Variants in ARHGEF4 observed in about 807,000 individuals in gnomAD.
ARHGEF4 encodes APC-stimulated guanine nucleotide exchange factor 1.
A neutral mutation model predicts 162.0 loss-of-function variants in ARHGEF4; 119 were observed. The ratio of observed to expected loss-of-function variants is 0.73; its 90% CI spans 0.63 to 0.86. ARHGEF4 has a LOEUF of 0.86. Ranked by LOEUF, ARHGEF4 falls within the 40% of genes least tolerant of loss-of-function variation. ARHGEF4 has a pLI of 0.00. For synonymous variants in ARHGEF4, 1,014 were observed against 979.9 expected (o/e 1.03, Z -0.65); for missense variants, 2,488 against 2,456.0 (o/e 1.01, Z -0.28).
intron 4 of ARHGEF4, among the ~76,000 whole-genome samples, chr2:131,024,102 C>G (rs1689316882): frequency 6.6e-6 from 1 of 152,186 alleles, no homozygotes; most frequent in African/African-American, 2.4e-5. Context: ...TATACACACA[C>G]ATTGTACTAA....
intron 7 of ARHGEF4, 33 bp from the exon 8 acceptor site, chr2:131,040,228 G>C: frequency 6.2e-7 from 1 of 1,609,428 alleles, no homozygotes; most frequent in Non-Finnish European, 8.5e-7. Context: ...CTGGGGACCC[G>C]GTCGGGGGAG....
intron 4 of ARHGEF4, among the ~76,000 whole-genome samples, chr2:130,966,748 C>T (rs759210896): frequency 5.9e-5 from 9 of 152,210 alleles, no homozygotes; most frequent in Non-Finnish European, 1.2e-4. Flanking sequence ...ACAATCATGG[C>T]TTTTTCCTGG....
intron 4 of ARHGEF4, among the ~76,000 whole-genome samples, chr2:131,023,516 C>T (rs898825262): frequency 1.3e-5 from 2 of 152,134 alleles, no homozygotes; most frequent in African/African-American, 4.8e-5. Context: ...TGTTCAACAT[C>T]GTCAGCCTTT....
At chr2:130,854,915 C>T (rs1293709180) in intron 1 of ARHGEF4, among the ~76,000 whole-genome samples, 3 of 150,982 alleles carry the variant, frequency 2.0e-5, no homozygotes, top group Non-Finnish European at 2.9e-5. Flanking sequence ...ACTCTGTCGC[C>T]GAGGCTGGAG....
intron 2 of ARHGEF4, among the ~76,000 whole-genome samples, chr2:130,926,014 C>CTCTT (rs1553514612): frequency 7.4e-4 from 72 of 97,256 alleles, no homozygotes; most frequent in African/African-American, 3.3e-3. Flanking sequence ...TTGGTTTTCT[C>CTCTT]TCTTTCTTTC....
intron 1 of ARHGEF4, among the ~76,000 whole-genome samples, chr2:130,905,852 A>G (rs1680781400): frequency 1.3e-5 from 2 of 152,258 alleles, no homozygotes; most frequent in African/African-American, 4.8e-5. Flanking sequence ...CATAGTGTAT[A>G]TAGGGTTCAA....
intron 4 of ARHGEF4, chr2:131,011,745 C>A: frequency 2.6e-6 from 3 of 1,136,254 alleles, no homozygotes; most frequent in South Asian, 1.3e-5. Context: ...GGAGTTTTGA[C>A]TGTCACTCTG....
chr2:130,843,737 T>G (rs1680758704), intron 1 of ARHGEF4, among the ~76,000 whole-genome samples: 1 of 152,202 alleles, frequency 6.6e-6, no homozygotes, highest in Non-Finnish European at 1.5e-5. Flanking sequence ...CTCCAAAGGT[T>G]GTTCTCTCCC....
chr2:130,850,549 CT>C (rs768370467), intron 1 of ARHGEF4, among the ~76,000 whole-genome samples: 4 of 152,346 alleles, frequency 2.6e-5, no homozygotes, highest in Admixed American at 6.5e-5. Flanking sequence ...CACCTCCCCC[CT>C]GCAAGGACAC....
intron 4 of ARHGEF4, among the ~76,000 whole-genome samples, chr2:130,966,290 T>G (rs757589580): frequency 7.2e-5 from 11 of 152,342 alleles, no homozygotes; most frequent in Non-Finnish European, 1.3e-4. Flanking sequence ...CCGTCTGTCC[T>G]TCTCAACTGG....
At chr2:130,853,126 G>C (rs1236362306) in intron 1 of ARHGEF4, among the ~76,000 whole-genome samples, 1 of 152,214 alleles carries the variant, frequency 6.6e-6, no homozygotes, top group Non-Finnish European at 1.5e-5. Flanking sequence ...CCTTCATATG[G>C]CACCATGAGG....
Position 130,917,487 on chromosome 2 carries a change from C to CAGGCA in ARHGEF4, c.3541_3542insAGGCA (p.Pro1181GlnfsTer43), listed in dbSNP as rs1559039176. On this transcript the variant is annotated frameshift_variant, in exon 2 of 14. Coordinates refer to ENST00000409359, the MANE Select transcript of ARHGEF4 (RefSeq NM_001367493.1). LOFTEE classifies it high-confidence loss of function. ...CACAGTGCCCTGGCTCAGGGACCTT[C>CAGGCA]CTGGGAGTGAGGTGAGTATCTGAAT... 2.1e-5 allele frequency: 32 copies of CAGGCA among 1,549,184 alleles called. No individual in the cohort carries two copies. Among genetic ancestry groups the CAGGCA allele is most frequent in the Non-Finnish European group, 2.6e-5 (30 of 1,146,522 alleles).
At chr2:130,912,827 C>A (rs781520377) in intron 1 of ARHGEF4, among the ~76,000 whole-genome samples, 7 of 152,140 alleles carry the variant, frequency 4.6e-5, no homozygotes, top group Non-Finnish European at 1.0e-4. Flanking sequence ...ATAGTCCCCC[C>A]TTATGCAAAG....
chr2:130,855,416 A>G (rs1681710920), intron 1 of ARHGEF4, among the ~76,000 whole-genome samples: 1 of 152,200 alleles, frequency 6.6e-6, no homozygotes, highest in Non-Finnish European at 1.5e-5. Flanking sequence ...TACAGATTTA[A>G]GTCAGCAGAG....
intron 4 of ARHGEF4, among the ~76,000 whole-genome samples, chr2:131,002,596 G>A (rs1391550967): frequency 1.3e-5 from 2 of 151,366 alleles, no homozygotes; most frequent in African/African-American, 2.4e-5. Context: ...TGTAGTCCTA[G>A]CTACTTCAGA....
At chr2:131,000,352 G>A (rs1160982556) in intron 4 of ARHGEF4, among the ~76,000 whole-genome samples, 1 of 151,980 alleles carries the variant, frequency 6.6e-6, no homozygotes, top group Non-Finnish European at 1.5e-5. Flanking sequence ...TATTTTGTTC[G>A]GGATTTTGTA....
At chr2:131,037,791 G>A (rs1204645964) in intron 5 of ARHGEF4, among the ~76,000 whole-genome samples, 1 of 152,198 alleles carries the variant, frequency 6.6e-6, no homozygotes, top group African/African-American at 2.4e-5. Flanking sequence ...CACTCTGCTG[G>A]TTATTTGAGC....
intron 1 of ARHGEF4, among the ~76,000 whole-genome samples, chr2:130,876,677 C>A (rs1678871274): frequency 6.6e-6 from 1 of 152,208 alleles, no homozygotes; most frequent in Non-Finnish European, 1.5e-5. Flanking sequence ...CAGGCTTGAG[C>A]CACCGCGCCC....
At chr2:131,004,136 A>C (rs1468242075) in intron 4 of ARHGEF4, among the ~76,000 whole-genome samples, 1 of 152,070 alleles carries the variant, frequency 6.6e-6, no homozygotes, top group African/African-American at 2.4e-5. Context: ...TATGGAATCA[A>C]GGAATCTCTG....
Sources: gnomAD v4.1 joint callset for allele counts (sites outside exome capture counted in the v4.1 genomes callset) on GRCh38, gnomAD v4.1.1 for gene constraint, MANE v1.5 for transcripts, NCBI Gene and HGNC (gene_info 2026-07-23, HGNC 2026-07-21) for gene names.